The following STRBP variants were observed in gnomAD, a reference collection of about 807,000 sequenced individuals.
The protein encoded by STRBP is spermatid perinuclear RNA-binding protein.
Under a neutral mutation model 80.1 loss-of-function variants are expected in STRBP, and 13 were observed. That is an observed-to-expected ratio of 0.16 (90% CI 0.11 to 0.26). The LOEUF (loss-of-function observed/expected upper bound fraction) is 0.26, where lower values mean the gene tolerates loss of function less well. STRBP is among the 10% of genes least tolerant of loss of function. The pLI is 1.00. For missense variants in STRBP, 485 were observed against 815.2 expected, an observed-to-expected ratio of 0.59 and a Z score of 4.93; for synonymous variants, 284 against 291.2, an observed-to-expected ratio of 0.98 and a Z score of 0.25.
intron 1 of STRBP, among the ~76,000 whole-genome samples, chr9:123,266,303 T>G (rs1187319862): frequency 6.6e-6 from 1 of 151,920 alleles, no homozygotes; most frequent in African/African-American, 2.4e-5. Flanking sequence ...CCTTCCCCCT[T>G]CCTCATTTAC....
intron 3 of STRBP, among the ~76,000 whole-genome samples, chr9:123,180,033 C>A (rs1485977287): frequency 1.4e-4 from 21 of 152,032 alleles, no homozygotes; most frequent in Non-Finnish European, 5.9e-5. Flanking sequence ...GTGGGAGGAT[C>A]GCTTGAAGGC....
At chr9:123,186,579 T>C (rs938568602) in intron 2 of STRBP, among the ~76,000 whole-genome samples, 1 of 152,176 alleles carries the variant, frequency 6.6e-6, no homozygotes, top group African/African-American at 2.4e-5. Context: ...GTATATTCAC[T>C]GTATGTTCTA....
intron 2 of STRBP, among the ~76,000 whole-genome samples, chr9:123,199,321 C>T (rs1416923588): frequency 1.3e-5 from 2 of 152,180 alleles, no homozygotes; most frequent in Admixed American, 6.5e-5. Context: ...TGTGATGCCT[C>T]CAGATTTGTT....
chr9:123,129,371 T>C (rs776523369), intron 17 of STRBP, among the ~76,000 whole-genome samples: 1 of 151,978 alleles, frequency 6.6e-6, no homozygotes, highest in Non-Finnish European at 1.5e-5. Context: ...ATAATAATAA[T>C]AACAACAACT....
chr9:123,233,751 A>C (rs1294469934), intron 2 of STRBP, among the ~76,000 whole-genome samples: 1 of 152,268 alleles, frequency 6.6e-6, no homozygotes, highest in African/African-American at 2.4e-5. Context: ...AAACATGCTC[A>C]TGTTAGCTCA....
chr9:123,243,256 T>C (rs2040732607), intron 1 of STRBP, among the ~76,000 whole-genome samples: 1 of 95,168 alleles, frequency 1.1e-5, no homozygotes, highest in Non-Finnish European at 1.9e-5. Context: ...GAATTAGACA[T>C]CAATAAGACA....
intron 1 of STRBP, among the ~76,000 whole-genome samples, chr9:123,249,446 C>T (rs1228777622): frequency 6.6e-6 from 1 of 151,604 alleles, no homozygotes; most frequent in Non-Finnish European, 1.5e-5. Context: ...TTGAGACCAG[C>T]CAGGGCAACA....
intron 2 of STRBP, among the ~76,000 whole-genome samples, chr9:123,215,022 T>C (rs973961838): frequency 1.6e-4 from 24 of 152,298 alleles, no homozygotes; most frequent in African/African-American, 5.5e-4. Flanking sequence ...GGCAAGCATG[T>C]AACTAAGTCA....
intron 1 of STRBP, among the ~76,000 whole-genome samples, chr9:123,238,904 G>T (rs1213703468): frequency 6.6e-6 from 1 of 152,102 alleles, no homozygotes; most frequent in Non-Finnish European, 1.5e-5. Flanking sequence ...TGCCATCTGG[G>T]AGCAGGCAAA....
chr9:123,162,567 T>C (rs1034144967), intron 6 of STRBP, among the ~76,000 whole-genome samples: 1 of 152,178 alleles, frequency 6.6e-6, no homozygotes, highest in African/African-American at 2.4e-5. Context: ...ATAATGCCAA[T>C]AGGAAACAAA....
intron 2 of STRBP, among the ~76,000 whole-genome samples, chr9:123,211,187 T>C (rs1008962250): frequency 4.6e-5 from 7 of 152,220 alleles, no homozygotes; most frequent in Admixed American, 1.3e-4. Flanking sequence ...ATTAAGATAA[T>C]AGATTATTCG....
At chr9:123,138,417 A>G (rs2036451750) in intron 14 of STRBP, among the ~76,000 whole-genome samples, 1 of 152,196 alleles carries the variant, frequency 6.6e-6, no homozygotes, top group Non-Finnish European at 1.5e-5. Flanking sequence ...CTCAGGCTTC[A>G]GCCCCATCAA....
Position 123,139,593 on chromosome 9 carries a change from G to C in STRBP, c.1433C>G (p.Thr478Arg), listed in dbSNP as rs2036505118. 1.2e-6 allele frequency: 2 copies of C among 1,612,786 alleles called. No homozygotes were observed. The highest frequency in any genetic ancestry group is 2.2e-5 in the South Asian group (2 of 90,954). Residue 478 changes from threonine to arginine, a missense_variant, in exon 14 of 19, where the codon ACA (threonine) becomes AGA (arginine). Coordinates refer to ENST00000348403, the MANE Select transcript of STRBP (RefSeq NM_018387.5). ...ATTATTGCTTGAGTTTGAAGACACT[G>C]TTTCATTTTTACTTTCATTATCTGA... Reference protein sequence around the residue: ...EKSDNESKNETVSSNSSNNTG... With the variant: ...EKSDNESKNERVSSNSSNNTG...
At chr9:123,199,924 G>C (rs1158628481) in intron 2 of STRBP, among the ~76,000 whole-genome samples, 1 of 152,098 alleles carries the variant, frequency 6.6e-6, no homozygotes, top group Non-Finnish European at 1.5e-5. Context: ...AGTGGTGAAA[G>C]TGGGCATCCT....
At chr9:123,131,922 A>G (rs1313908387) in intron 17 of STRBP, among the ~76,000 whole-genome samples, 1 of 152,250 alleles carries the variant, frequency 6.6e-6, no homozygotes, top group Admixed American at 6.5e-5. Flanking sequence ...CTAAAAAACA[A>G]TGACTGGATA....
chr9:123,196,087 T>G (rs1253677446), intron 2 of STRBP, among the ~76,000 whole-genome samples: 1 of 152,148 alleles, frequency 6.6e-6, no homozygotes, highest in Non-Finnish European at 1.5e-5. Context: ...CAGTGGATAT[T>G]CATTTGTGAC....
At chr9:123,150,696 A>G (rs2037018432) in intron 11 of STRBP, among the ~76,000 whole-genome samples, 1 of 152,214 alleles carries the variant, frequency 6.6e-6, no homozygotes, top group Non-Finnish European at 1.5e-5. Context: ...AGAAGAGGTC[A>G]CTAAGAACTG....
rs1406992685 is a variant in STRBP at position 123,146,957 on chromosome 9, G to A, written c.1236C>T (p.Pro412=). 5.0e-6 allele frequency: 8 copies of A among 1,613,902 alleles called. No individual in the cohort carries two copies. In the African/African-American group the frequency reaches 5.3e-5, roughly 11 times the overall value. ...ACATTGTGAAGACTGGGGCATGAACGGGGCCAGACTGAGATAGGAGCTTAT... is the reference window on the plus strand; with the variant it reads ...ACATTGTGAAGACTGGGGCATGAACAGGGCCAGACTGAGATAGGAGCTTAT... ...LQYKLLSQSG[P]VHAPVFTMSV... is the part of the protein sequence containing the mutation. Residue 412 remains proline (P), a synonymous_variant, in exon 13 of 19, where the codon CCC becomes CCT. Coordinates refer to ENST00000348403, the MANE Select transcript of STRBP (RefSeq NM_018387.5).
chr9:123,150,140 C>CTT (rs1052197387), intron 11 of STRBP, among the ~76,000 whole-genome samples: 6 of 152,140 alleles, frequency 3.9e-5, no homozygotes, highest in Admixed American at 3.3e-4. Flanking sequence ...CTACAAAAGT[C>CTT]TTAAGGCAGA....
Sources: allele counts gnomAD v4.1 joint callset (sites outside exome capture counted in the v4.1 genomes callset), GRCh38; gene constraint gnomAD v4.1.1; transcripts MANE v1.5; gene names NCBI Gene and HGNC (gene_info 2026-07-23, HGNC 2026-07-21).